ACACA: variants seen among roughly 807,000 people sequenced by gnomAD.
ACACA encodes the protein acetyl-CoA carboxylase 1.
In ACACA, 103 loss-of-function variants were observed where a neutral mutation model predicts 296.1. That is an observed-to-expected ratio of 0.35 (90% CI 0.30 to 0.41). ACACA has a LOEUF of 0.41. Among genes scored for constraint, ACACA ranks in the 10% least tolerant of loss-of-function variants. ACACA has a pLI of 1.00. For missense variants in ACACA, 1,554 were observed against 2,989.7 expected (o/e 0.52, Z 11.20); for synonymous variants, 953 against 1,038.6 (o/e 0.92, Z 1.58).
intron 33 of ACACA, among the ~76,000 whole-genome samples, chr17:37,203,999 T>C (rs988687004): frequency 1.3e-5 from 2 of 152,196 alleles, no homozygotes; most frequent in South Asian, 2.1e-4. Flanking sequence ...CTAAGACTCA[T>C]AGTCATCACA....
chr17:37,185,142 C>T (rs943295628), intron 39 of ACACA, among the ~76,000 whole-genome samples: 2 of 152,180 alleles, frequency 1.3e-5, no homozygotes, highest in Non-Finnish European at 2.9e-5. Flanking sequence ...TGTGATAGTA[C>T]TTACACGGTG....
At chr17:37,205,738 C>T (rs372841619) in intron 33 of ACACA, 27 bp downstream of exon 33, 27 of 1,566,784 alleles carry the variant, frequency 1.7e-5, no homozygotes, top group Admixed American at 6.7e-5. Context: ...GGGGACATCA[C>T]GAGCTTCCAC....
intron 52 of ACACA, among the ~76,000 whole-genome samples, chr17:37,098,813 C>A (rs573831081): frequency 6.6e-6 from 1 of 152,330 alleles, no homozygotes; most frequent in Non-Finnish European, 1.5e-5. Context: ...CTTTGGAACC[C>A]CTTATACCAA....
intron 25 of ACACA, 149 bp downstream of exon 25, chr17:37,234,826 A>G: frequency 1.1e-6 from 1 of 898,960 alleles, no homozygotes; most frequent in Non-Finnish European, 1.7e-6. Context: ...GGTAGATGTG[A>G]GAAACTGTTA....
At position 37,341,605 on chromosome 17, in the gene ACACA, G is replaced by A. The variant is rs59310015; in HGVS notation, c.39-1755C>T. Among the ~76,000 whole-genome samples the A allele has an allele frequency of 9.3e-4, 140 of 151,196 alleles. 1 individual carries two copies. The highest frequency in any genetic ancestry group is 3.3e-3 in the African/African-American group (136 of 41,142). ...CTCAGGAGGCTGAGGCAGGAGAATC[G>A]CTTGAACCCGAGAGGTGGAGGTTGC... On this transcript the variant is annotated intron_variant, in intron 1 of 55. Coordinates refer to ENST00000616317, the MANE Select transcript of ACACA (RefSeq NM_198834.3).
In ACACA at chr17:37,085,725, A is replaced by G. The variant is rs2072155719; in HGVS notation, c.*1591T>C. The G allele has an allele frequency of 2.5e-6, 1 of 399,196 alleles. No individual in the cohort carries two copies. The allele number at this position is 399,196 out of a possible 1,614,324, so 24.7% of individuals were successfully genotyped here. On this transcript the variant is annotated 3_prime_UTR_variant, in exon 56 of 56. Transcript: ENST00000616317. ...CCCACCTGCAACCCAGAACCATTGA[A>G]AAGTCCAGCCAATCTATCCGCACAG... is the stretch of plus-strand genomic sequence containing the variant.
At chr17:37,124,054 G>A (rs1020906293) in intron 48 of ACACA, among the ~76,000 whole-genome samples, 1 of 152,186 alleles carries the variant, frequency 6.6e-6, no homozygotes, top group African/African-American at 2.4e-5. Context: ...ACAATTTACA[G>A]CCAATAGCAC....
At chr17:37,125,952 T>TCGAA (rs2074763851) in intron 47 of ACACA, among the ~76,000 whole-genome samples, 158 bp from the exon 48 acceptor site, 1 of 152,210 alleles carries the variant, frequency 6.6e-6, no homozygotes, top group Non-Finnish European at 1.5e-5. Context: ...AGCTGAATGT[T>TCGAA]CATCTGCCTT....
chr17:37,215,138 G>A (rs1022790115), intron 29 of ACACA, among the ~76,000 whole-genome samples: 15 of 152,108 alleles, frequency 9.9e-5, no homozygotes, highest in Admixed American at 9.2e-4. Context: ...CTCTTCTGGA[G>A]GTAAGACTTG....
At chr17:37,379,331 C>T in intron 1 of ACACA, 1 of 1,613,942 alleles carries the variant, frequency 6.2e-7, no homozygotes, top group Non-Finnish European at 8.5e-7. Context: ...CTCAAGCTGT[C>T]ACCTAATCCC....
At chr17:37,135,445 G>A (rs1332548711) in intron 45 of ACACA, among the ~76,000 whole-genome samples, 1 of 152,170 alleles carries the variant, frequency 6.6e-6, no homozygotes, top group East Asian at 1.9e-4. Context: ...AAAAGCCTCT[G>A]ACATGAGCCA....
chr17:37,216,865 A>C (rs1437846108), intron 29 of ACACA, among the ~76,000 whole-genome samples: 2 of 151,884 alleles, frequency 1.3e-5, no homozygotes, highest in African/African-American at 4.8e-5. Flanking sequence ...AACAAAAAAA[A>C]CTCTGCTGCC....
chr17:37,346,526 C>T (rs2048627033), intron 1 of ACACA, among the ~76,000 whole-genome samples: 1 of 151,216 alleles, frequency 6.6e-6, no homozygotes, highest in African/African-American at 2.4e-5. Context: ...ACGGTGAAAC[C>T]CAGTCTCTAC....
chr17:37,213,698 G>A (rs978737807), intron 29 of ACACA, among the ~76,000 whole-genome samples: 1 of 152,136 alleles, frequency 6.6e-6, no homozygotes, highest in African/African-American at 2.4e-5. Context: ...AGAAAGACAA[G>A]AGAAATCCTG....
At chr17:37,363,111 C>T (rs1391959857) in intron 1 of ACACA, among the ~76,000 whole-genome samples, 1 of 149,648 alleles carries the variant, frequency 6.7e-6, no homozygotes, top group Non-Finnish European at 1.5e-5. Context: ...CTCAGCCTCT[C>T]AAGTAGCTGG....
intron 11 of ACACA, among the ~76,000 whole-genome samples, chr17:37,263,234 T>C (rs921315312): frequency 6.6e-6 from 1 of 152,198 alleles, no homozygotes; most frequent in Non-Finnish European, 1.5e-5. Flanking sequence ...CTCATGACTT[T>C]GAGAAACTAC....
chr17:37,116,077 C>G (rs2074235837), intron 50 of ACACA, among the ~76,000 whole-genome samples: 1 of 152,144 alleles, frequency 6.6e-6, no homozygotes, highest in Non-Finnish European at 1.5e-5. Flanking sequence ...ACTGCAACCT[C>G]TGCCTCCTGG....
chr17:37,087,523 T>A (rs896382728), intron 55 of ACACA, 84 bp from the exon 56 acceptor site: 5 of 1,520,494 alleles, frequency 3.3e-6, no homozygotes, highest in Non-Finnish European at 4.5e-6. Flanking sequence ...CCAATAAACA[T>A]GTGTGCACCG....
intron 29 of ACACA, among the ~76,000 whole-genome samples, chr17:37,212,293 T>C (rs1420612449): frequency 6.6e-6 from 1 of 152,152 alleles, no homozygotes; most frequent in Non-Finnish European, 1.5e-5. Context: ...GGCCATGTTT[T>C]CAGTAGAAAA....
Sources: gnomAD v4.1 joint callset for allele counts (sites outside exome capture counted in the v4.1 genomes callset) on GRCh38, gnomAD v4.1.1 for gene constraint, MANE v1.5 for transcripts, NCBI Gene and HGNC (gene_info 2026-07-23, HGNC 2026-07-21) for gene names.